Variants in TLE4 observed in about 807,000 individuals in gnomAD.
The protein encoded by TLE4 is TLE family member 4, transcriptional corepressor.
In TLE4, 8 loss-of-function variants were observed where a neutral mutation model predicts 92.8. The observed-to-expected ratio is 0.09, with a 90% CI of 0.05 to 0.16. The LOEUF (loss-of-function observed/expected upper bound fraction) is 0.16. Ranked by LOEUF, TLE4 falls within the 10% of genes least tolerant of loss-of-function variation. TLE4 has a pLI of 1.00. For missense variants in TLE4, 675 were observed against 997.6 expected, an observed-to-expected ratio of 0.68 and a Z score of 4.36; for synonymous variants, 371 against 374.1, an observed-to-expected ratio of 0.99 and a Z score of 0.10.
chr9:79,715,821 G>A (rs1168995589), intron 14 of TLE4, among the ~76,000 whole-genome samples: 1 of 152,042 alleles, frequency 6.6e-6, no homozygotes, highest in Admixed American at 6.6e-5. Flanking sequence ...CTCACCTTCA[G>A]TTACCTGTAT....
At chr9:79,642,480 A>G (rs537818431) in intron 6 of TLE4, among the ~76,000 whole-genome samples, 2 of 152,010 alleles carry the variant, frequency 1.3e-5, no homozygotes, top group African/African-American at 4.8e-5. Context: ...TTTTCTGAGT[A>G]CATTCCCTTA....
At chr9:79,689,355 T>TAA (rs2066565804) in intron 8 of TLE4, among the ~76,000 whole-genome samples, 1 of 151,804 alleles carries the variant, frequency 6.6e-6, no homozygotes, top group Admixed American at 6.6e-5. Flanking sequence ...TCAGGCAGGG[T>TAA]TTACAATAGC....
rs2036606795 is a variant in TLE4, at chr9:79,573,569, T to C, written c.46-120T>C. ...GGGTTGCGGGAGGAGAGTTTTAATC[T>C]CTCTTTGCTTGCGTGCGCGATGACC... On this transcript the variant is annotated intron_variant, in intron 1 of 19. Transcript: ENST00000376552. 6 of 864,542 alleles carry C rather than the reference T, an allele frequency of 6.9e-6. No homozygotes were observed. In the East Asian group the frequency reaches 1.8e-4, roughly 26 times the overall value. The allele number at this position is 864,542 out of a possible 1,614,324, so 53.6% of individuals were successfully genotyped here. A position where few individuals can be genotyped will look rare whatever the true frequency, so the allele number is the denominator to read the frequency against.
chr9:79,671,122 C>A, intron 8 of TLE4: 1 of 378,350 alleles, frequency 2.6e-6, no homozygotes, highest in East Asian at 7.4e-5. Flanking sequence ...TTTAGCTGAT[C>A]CTAGCACATA....
At chr9:79,708,871 A>G in intron 13 of TLE4, 85 bp downstream of exon 13, 1 of 1,447,744 alleles carries the variant, frequency 6.9e-7, no homozygotes, top group South Asian at 1.3e-5. Context: ...TCGCTCTGTC[A>G]CCCAGCCTGG....
chr9:79,669,575 T>C, intron 8 of TLE4, among the ~76,000 whole-genome samples: 1 of 151,890 alleles, frequency 6.6e-6, no homozygotes, highest in South Asian at 2.1e-4. Context: ...ACTCACATTG[T>C]TTTGTTGGTA....
intron 8 of TLE4, chr9:79,663,497 C>T (rs577188565): frequency 6.6e-6 from 1 of 152,228 alleles, no homozygotes; most frequent in African/African-American, 2.4e-5. Context: ...GATGATGCTG[C>T]GTCTCTGACA....
intron 8 of TLE4, among the ~76,000 whole-genome samples, chr9:79,662,053 T>C (rs571161280): frequency 4.6e-5 from 7 of 152,258 alleles, no homozygotes; most frequent in Admixed American, 4.6e-4. Context: ...TTCCATCCCC[T>C]CTGCATCCAC....
intron 8 of TLE4, among the ~76,000 whole-genome samples, chr9:79,665,383 G>A (rs56307066): frequency 0.15 from 22,977 of 152,146 alleles, 2,225 homozygotes; most frequent in African/African-American, 0.28. Flanking sequence ...TCATGTTCCT[G>A]TTAAAATATG....
intron 5 of TLE4, among the ~76,000 whole-genome samples, chr9:79,620,885 GGA>G (rs2050793841): frequency 1.3e-5 from 2 of 152,200 alleles, no homozygotes; most frequent in African/African-American, 4.8e-5. Flanking sequence ...AAGCAGAAAA[GGA>G]GAGAGAGATT....
chr9:79,614,504 AAATT>A (rs2049050784), intron 5 of TLE4, among the ~76,000 whole-genome samples: 1 of 152,124 alleles, frequency 6.6e-6, no homozygotes, highest in African/African-American at 2.4e-5. Flanking sequence ...GACTGGACTG[AAATT>A]AATTGTCTAA....
At chr9:79,660,906 A>T (rs1332021234) in intron 8 of TLE4, among the ~76,000 whole-genome samples, 1 of 152,172 alleles carries the variant, frequency 6.6e-6, no homozygotes. Flanking sequence ...AACAAATACT[A>T]ATTAACAGGG....
At chr9:79,669,308 T>C (rs1276950635) in intron 8 of TLE4, among the ~76,000 whole-genome samples, 8 of 152,066 alleles carry the variant, frequency 5.3e-5, no homozygotes, top group Non-Finnish European at 8.8e-5. Context: ...CACCGTTTGA[T>C]AGATGGAAAT....
chr9:79,629,208 AT>A (rs146693840), intron 6 of TLE4, among the ~76,000 whole-genome samples: 30 of 150,592 alleles, frequency 2.0e-4, no homozygotes, highest in East Asian at 1.2e-3. Flanking sequence ...GATTATTATT[AT>A]TTTTTTTTCC....
chr9:79,630,513 C>T (rs1015374239), intron 6 of TLE4, among the ~76,000 whole-genome samples: 4 of 152,126 alleles, frequency 2.6e-5, no homozygotes, highest in African/African-American at 9.7e-5. Flanking sequence ...TGATATTACA[C>T]ATTTCCTTCA....
chr9:79,637,653 A>G (rs747403005), intron 6 of TLE4, among the ~76,000 whole-genome samples: 11 of 152,066 alleles, frequency 7.2e-5, no homozygotes, highest in Non-Finnish European at 1.6e-4. Context: ...TCAGTTGGAT[A>G]CTCTTGACTC....
At chr9:79,606,798 C>T (rs1210313233) in intron 4 of TLE4, among the ~76,000 whole-genome samples, 2 of 152,082 alleles carry the variant, frequency 1.3e-5, no homozygotes, top group African/African-American at 4.8e-5. Context: ...TGGATTGGTC[C>T]CAAGTCTTTG....
At chr9:79,597,939 A>G (rs2044438664) in intron 4 of TLE4, among the ~76,000 whole-genome samples, 1 of 152,078 alleles carries the variant, frequency 6.6e-6, no homozygotes, top group South Asian at 2.1e-4. Context: ...ACCATATTTA[A>G]AAGGACTCAC....
intron 4 of TLE4, among the ~76,000 whole-genome samples, chr9:79,601,133 G>T (rs941328526): frequency 3.9e-5 from 6 of 152,110 alleles, no homozygotes; most frequent in Admixed American, 2.0e-4. Flanking sequence ...CACATATTTT[G>T]CCAAGGTTTC....
Sources: gnomAD v4.1 joint callset for allele counts (sites outside exome capture counted in the v4.1 genomes callset) on GRCh38, gnomAD v4.1.1 for gene constraint, MANE v1.5 for transcripts, NCBI Gene and HGNC (gene_info 2026-07-23, HGNC 2026-07-21) for gene names.